Variants in CROT observed in about 807,000 individuals in gnomAD.
CROT encodes carnitine O-octanoyltransferase, also known as peroxisomal carnitine O-octanoyltransferase.
CROT carries 84 observed loss-of-function variants against 89.2 expected under a neutral mutation model. The observed-to-expected ratio is 0.94, with a 90% CI of 0.79 to 1.13. The LOEUF (loss-of-function observed/expected upper bound fraction) is 1.13, where lower values mean the gene tolerates loss of function less well. Among genes scored for constraint, CROT ranks in the 50% most tolerant of loss-of-function variants. The pLI is 0.00. For synonymous variants in CROT, 212 were observed against 239.5 expected (o/e 0.89, Z 1.06); for missense variants, 711 against 727.8 (o/e 0.98, Z 0.27).
At chr7:87,375,448 G>T in intron 7 of CROT, 184 bp from the exon 8 acceptor site, 5 of 524,436 alleles carry the variant, frequency 9.5e-6, no homozygotes, top group South Asian at 5.6e-5. Flanking sequence ...TATGCTTTTG[G>T]TGTTAATAGA....
chr7:87,394,601 G>A (rs889949162), intron 17 of CROT, among the ~76,000 whole-genome samples: 1 of 151,222 alleles, frequency 6.6e-6, no homozygotes, highest in Admixed American at 6.6e-5. Context: ...AGCTACACTG[G>A]CAGGCATTAA....
At chr7:87,349,932 G>A (rs1805814876) in intron 3 of CROT, among the ~76,000 whole-genome samples, 2 of 152,080 alleles carry the variant, frequency 1.3e-5, no homozygotes, top group Admixed American at 6.6e-5. Context: ...GCCTCTTCAG[G>A]GAGTAAGGGA....
At chr7:87,372,721 T>C (rs1027377198) in intron 7 of CROT, among the ~76,000 whole-genome samples, 4 of 152,202 alleles carry the variant, frequency 2.6e-5, no homozygotes, top group Non-Finnish European at 5.9e-5. Flanking sequence ...GCCTTTTGTG[T>C]GTAGCTTCTT....
chr7:87,382,254 C>A, intron 12 of CROT, 73 bp downstream of exon 12: 1 of 1,436,044 alleles, frequency 7.0e-7, no homozygotes, highest in South Asian at 1.2e-5. Flanking sequence ...ATTTGGCTGT[C>A]ATCCAAGCAT....
At chr7:87,371,779 C>A (rs1806641708) in intron 7 of CROT, among the ~76,000 whole-genome samples, 1 of 151,862 alleles carries the variant, frequency 6.6e-6, no homozygotes, top group African/African-American at 2.4e-5. Flanking sequence ...TCACTTAAGG[C>A]CAAGAGTTGA....
chr7:87,359,231 A>G lies in CROT; in HGVS notation c.141A>G (p.Glu47=). 1.3e-6 allele frequency: 2 copies of G among 1,586,598 alleles called. No homozygotes were observed. Among genetic ancestry groups the G allele is most frequent in the Non-Finnish European group, 1.7e-6 (2 of 1,158,894 alleles). The change falls in exon 4 of 18, where the codon GAA becomes GAG. Residue 47 remains glutamate (E), a synonymous_variant. Coordinates refer to ENST00000331536, the MANE Select transcript of CROT (RefSeq NM_021151.4). ...ESVKPFANQE[E]YKKTEEIVQK... is the part of the protein sequence containing the mutation. ...TGAAACCATTTGCAAATCAAGAAGAATATAAGAAAACTGAAGAAATAGTTC... is the reference window on the plus strand; with the variant it reads ...TGAAACCATTTGCAAATCAAGAAGAGTATAAGAAAACTGAAGAAATAGTTC...
At chr7:87,357,009 G>A (rs1173022776) in intron 3 of CROT, among the ~76,000 whole-genome samples, 4 of 152,102 alleles carry the variant, frequency 2.6e-5, no homozygotes, top group East Asian at 1.9e-4. Flanking sequence ...GTGATAGAGC[G>A]AGACTCTGTC....
intron 6 of CROT, among the ~76,000 whole-genome samples, chr7:87,367,671 T>C (rs1365254716): frequency 6.6e-6 from 1 of 152,204 alleles, no homozygotes; most frequent in East Asian, 1.9e-4. Context: ...CTGTGCTGAG[T>C]CCCGCTTCCT....
chr7:87,393,520 A>G (rs1297859275), intron 17 of CROT, among the ~76,000 whole-genome samples: 2 of 152,204 alleles, frequency 1.3e-5, no homozygotes, highest in Non-Finnish European at 1.5e-5. Context: ...GGCTGTGTGG[A>G]GTTTGACTTA....
intron 13 of CROT, among the ~76,000 whole-genome samples, chr7:87,385,627 G>C (rs1807162135): frequency 6.6e-6 from 1 of 152,108 alleles, no homozygotes; most frequent in African/African-American, 2.4e-5. Context: ...TCTGCAGACA[G>C]GACAATTTGA....
chr7:87,363,369 A>T (rs79137826), intron 6 of CROT, among the ~76,000 whole-genome samples: 2,119 of 152,326 alleles, frequency 0.014, 49 homozygotes, highest in African/African-American at 0.048. Flanking sequence ...ACTACATGGC[A>T]ATTTTATATT....
At chr7:87,363,890 T>G (rs1806358911) in intron 6 of CROT, among the ~76,000 whole-genome samples, 1 of 152,176 alleles carries the variant, frequency 6.6e-6, no homozygotes, top group Non-Finnish European at 1.5e-5. Context: ...ACTCTGGATG[T>G]ATTTTGGATT....
intron 7 of CROT, among the ~76,000 whole-genome samples, chr7:87,373,562 AG>A (rs752337946): frequency 1.3e-5 from 2 of 152,130 alleles, no homozygotes; most frequent in Non-Finnish European, 2.9e-5. Flanking sequence ...AATTGTGGGA[AG>A]GGGGAGATAA....
In CROT at chr7:87,350,536, A is replaced by G. The variant is rs987237604; in HGVS notation, c.115+1353A>G. On this transcript the variant is annotated intron_variant, in intron 3 of 17. Coordinates refer to ENST00000331536, the MANE Select transcript of CROT (RefSeq NM_021151.4). ...TCATCAACTATGGTGGGCCTTGACT[A>G]TTTTTCAGTTGGTGAGGAAGGAATT... Among the ~76,000 whole-genome samples the G allele has an allele frequency of 6.6e-5, 10 of 152,056 alleles. 1 individual carries two copies. The South Asian group carries it at 2.1e-3, about 32-fold the overall frequency.
At chr7:87,346,026 CATT>C (rs142487380) in intron 1 of CROT, among the ~76,000 whole-genome samples, 1,970 of 152,260 alleles carry the variant, frequency 0.013, 20 homozygotes, top group Non-Finnish European at 0.021. Context: ...TCCGAGCTCT[CATT>C]GCCCTCTGCT....
intron 4 of CROT, 22 bp downstream of exon 4, chr7:87,359,352 T>C (rs943439856): frequency 6.3e-7 from 1 of 1,579,290 alleles, no homozygotes; most frequent in Non-Finnish European, 8.6e-7. Context: ...TATAATTGAA[T>C]AATGATGATG....
At chr7:87,371,073 T>C (rs1272696397) in intron 7 of CROT, among the ~76,000 whole-genome samples, 2 of 152,242 alleles carry the variant, frequency 1.3e-5, no homozygotes, top group African/African-American at 4.8e-5. Flanking sequence ...AAGTTCTTAA[T>C]TGAATGAACT....
At chr7:87,396,896 G>A (rs1191130147) in intron 17 of CROT, among the ~76,000 whole-genome samples, 1 of 152,052 alleles carries the variant, frequency 6.6e-6, no homozygotes, top group Non-Finnish European at 1.5e-5. Flanking sequence ...TATTAAGTAT[G>A]CTTTGAGATA....
chr7:87,389,988 T>C (rs181763034), intron 13 of CROT, among the ~76,000 whole-genome samples: 1 of 152,322 alleles, frequency 6.6e-6, no homozygotes, highest in Admixed American at 6.5e-5. Flanking sequence ...TAAGTCTTTT[T>C]TAAATATGGG....
Sources: gnomAD v4.1 joint callset for allele counts (sites outside exome capture counted in the v4.1 genomes callset) on GRCh38, gnomAD v4.1.1 for gene constraint, MANE v1.5 for transcripts, NCBI Gene and HGNC (gene_info 2026-07-23, HGNC 2026-07-21) for gene names.